The following LRGUK variants were observed in gnomAD, a reference collection of about 807,000 sequenced individuals.
The protein encoded by LRGUK is leucine-rich repeat and guanylate kinase domain-containing protein.
In LRGUK, 65 loss-of-function variants were observed where a neutral mutation model predicts 76.0. The observed-to-expected ratio is 0.85, with a 90% CI of 0.70 to 1.05. LRGUK has a LOEUF of 1.05. Ranked by LOEUF, LRGUK falls within the 50% of genes least tolerant of loss-of-function variation. The pLI, the probability that LRGUK is intolerant of heterozygous loss-of-function variation, is 0.00. For synonymous variants in LRGUK, 268 were observed against 265.6 expected (o/e 1.01, Z -0.09); for missense variants, 758 against 732.8 (o/e 1.03, Z -0.40).
At chr7:134,198,196 CT>C (rs1193673835) in intron 13 of LRGUK, among the ~76,000 whole-genome samples, 3 of 152,138 alleles carry the variant, frequency 2.0e-5, no homozygotes, top group Non-Finnish European at 4.4e-5. Flanking sequence ...GGAATGTTTT[CT>C]TTGTTTCTAT....
At chr7:134,227,039 C>A (rs775026314) in intron 16 of LRGUK, among the ~76,000 whole-genome samples, 1 of 146,222 alleles carries the variant, frequency 6.8e-6, no homozygotes, top group Non-Finnish European at 1.5e-5. Context: ...ACTAGAAAAT[C>A]TGGATTAAAA....
At chr7:134,202,913 T>C (rs1800838738) in intron 15 of LRGUK, among the ~76,000 whole-genome samples, 1 of 152,090 alleles carries the variant, frequency 6.6e-6, no homozygotes, top group Non-Finnish European at 1.5e-5. Context: ...TACTTAAAAA[T>C]GGTTAAGATG....
chr7:134,246,629 T>A (rs971957964), intron 16 of LRGUK, among the ~76,000 whole-genome samples: 1 of 152,170 alleles, frequency 6.6e-6, no homozygotes, highest in Non-Finnish European at 1.5e-5. Context: ...GAATGCCAAT[T>A]TATAGTGGAG....
At chr7:134,195,693 C>A (rs913617995) in intron 12 of LRGUK, among the ~76,000 whole-genome samples, 1 of 151,686 alleles carries the variant, frequency 6.6e-6, no homozygotes, top group Non-Finnish European at 1.5e-5. Flanking sequence ...ATGCAATAAA[C>A]AAGATAAAGT....
At chr7:134,229,411 T>A (rs1801841286) in intron 16 of LRGUK, among the ~76,000 whole-genome samples, 1 of 151,882 alleles carries the variant, frequency 6.6e-6, no homozygotes, top group Non-Finnish European at 1.5e-5. Flanking sequence ...TCTATCTATC[T>A]ATCTATGTTC....
chr7:134,149,477 G>A (rs1338452568), intron 5 of LRGUK, among the ~76,000 whole-genome samples: 1 of 152,098 alleles, frequency 6.6e-6, no homozygotes, highest in African/African-American at 2.4e-5. Flanking sequence ...CAGAGGGTAC[G>A]TTTTCTTGAA....
chr7:134,251,758 C>T (rs1011378358), intron 18 of LRGUK, among the ~76,000 whole-genome samples: 24 of 152,228 alleles, frequency 1.6e-4, no homozygotes, highest in African/African-American at 5.5e-4. Flanking sequence ...TGATAAAAAG[C>T]TCTATCCCAT....
chr7:134,262,092 G>T (rs1012156090), intron 19 of LRGUK, among the ~76,000 whole-genome samples: 2 of 152,176 alleles, frequency 1.3e-5, no homozygotes, highest in Non-Finnish European at 2.9e-5. Context: ...AGTCAAATGT[G>T]GTTGGGTGCA....
intron 7 of LRGUK, 88 bp downstream of exon 7, chr7:134,163,628 C>A: frequency 8.2e-7 from 1 of 1,224,872 alleles, no homozygotes; most frequent in African/African-American, 1.5e-5. Context: ...TTTTTGGTTT[C>A]TTAAGGGCGG....
At chr7:134,181,389 T>C (rs1259481888) in intron 10 of LRGUK, among the ~76,000 whole-genome samples, 3 of 152,102 alleles carry the variant, frequency 2.0e-5, no homozygotes, top group African/African-American at 4.8e-5. Context: ...TTATATGTAA[T>C]GTGCTTTTTT....
chr7:134,248,686 A>T (rs1802370112), intron 17 of LRGUK, among the ~76,000 whole-genome samples: 1 of 152,220 alleles, frequency 6.6e-6, no homozygotes, highest in African/African-American at 2.4e-5. Flanking sequence ...ATCTCCAGGA[A>T]GATAATTTGC....
intron 15 of LRGUK, among the ~76,000 whole-genome samples, chr7:134,202,234 T>A (rs1293768544): frequency 6.6e-6 from 1 of 152,130 alleles, no homozygotes; most frequent in Non-Finnish European, 1.5e-5. Context: ...GTTAGAATTT[T>A]GGTACATGAA....
In LRGUK at chr7:134,207,650, C is replaced by A. The variant is rs1043063682; in HGVS notation, c.1844-1057C>A. Among the ~76,000 whole-genome samples, 4 of 152,156 alleles carry A rather than the reference C, an allele frequency of 2.6e-5. No homozygotes were observed. The Middle Eastern group carries it at 0.01, about 388-fold the overall frequency. On this transcript the variant is annotated intron_variant, in intron 15 of 15. Coordinates refer to ENST00000645682, the Ensembl canonical transcript of LRGUK. ...CTCATCCTGCGTCAGTGGAGGGGAT[C>A]GGGGGCTGGGAGCCTGGTTTGCCTC... is the stretch of plus-strand genomic sequence containing the variant.
chr7:134,178,449 T>G (rs1799577685), intron 9 of LRGUK, 54 bp from the exon 10 acceptor site: 28 of 1,400,120 alleles, frequency 2.0e-5, no homozygotes, highest in Non-Finnish European at 2.7e-5. Context: ...AAGCTTTGTC[T>G]TCTTTTTAGA....
intron 14 of LRGUK, among the ~76,000 whole-genome samples, chr7:134,200,824 T>G: frequency 6.6e-6 from 1 of 152,190 alleles, no homozygotes; most frequent in East Asian, 1.9e-4. Flanking sequence ...TTTCGTAGAT[T>G]AGAAGTCTGG....
intron 13 of LRGUK, among the ~76,000 whole-genome samples, chr7:134,198,632 C>T (rs1462329218): frequency 1.3e-5 from 2 of 152,178 alleles, no homozygotes; most frequent in Admixed American, 6.5e-5. Context: ...GCGGCGTCTA[C>T]AGGAGCCAGA....
intron 18 of LRGUK, among the ~76,000 whole-genome samples, chr7:134,250,583 G>T: frequency 6.6e-6 from 1 of 152,118 alleles, no homozygotes; most frequent in African/African-American, 2.4e-5. Flanking sequence ...GAGTTTTATT[G>T]TTCTGACACT....
At chr7:134,168,428 C>T (rs934982120) in intron 7 of LRGUK, among the ~76,000 whole-genome samples, 2 of 152,124 alleles carry the variant, frequency 1.3e-5, no homozygotes, top group Non-Finnish European at 2.9e-5. Context: ...CTCAGGAATA[C>T]CCAGATTTGC....
intron 6 of LRGUK, among the ~76,000 whole-genome samples, chr7:134,162,290 G>A (rs1179630672): frequency 6.6e-6 from 1 of 152,106 alleles, no homozygotes; most frequent in Non-Finnish European, 1.5e-5. Context: ...GAGAGGCTGG[G>A]ATGGCAAGGT....
Sources: gnomAD v4.1 joint callset for allele counts (sites outside exome capture counted in the v4.1 genomes callset) on GRCh38, gnomAD v4.1.1 for gene constraint, MANE v1.5 for transcripts, NCBI Gene and HGNC (gene_info 2026-07-23, HGNC 2026-07-21) for gene names.